The following ADGRL2 variants were observed in gnomAD, a reference collection of about 807,000 sequenced individuals.
The protein encoded by ADGRL2 is adhesion G protein-coupled receptor L2.
A neutral mutation model predicts 157.4 loss-of-function variants in ADGRL2; 44 were observed. That is an observed-to-expected ratio of 0.28 (90% CI 0.22 to 0.36). ADGRL2 has a LOEUF of 0.36. ADGRL2 is among the 10% of genes least tolerant of loss of function. The pLI is 1.00. For missense variants in ADGRL2, 1,510 were observed against 1,768.9 expected, an observed-to-expected ratio of 0.85 and a Z score of 2.63; for synonymous variants, 585 against 624.7, an observed-to-expected ratio of 0.94 and a Z score of 0.95.
chr1:81,753,622 A>T (rs2085564022), intron 1 of ADGRL2, among the ~76,000 whole-genome samples: 1 of 152,226 alleles, frequency 6.6e-6, no homozygotes, highest in African/African-American at 2.4e-5. Flanking sequence ...TTAAAGCAAA[A>T]TACAAAAGTA....
Position 81,495,945 on chromosome 1 carries a change from A to G in ADGRL2, c.-248+50856A>G, listed in dbSNP as rs181286824. Among the ~76,000 whole-genome samples, 11 of 152,318 alleles carry G rather than the reference A, an allele frequency of 7.2e-5. No individual in the cohort carries two copies. The East Asian group carries it at 2.1e-3, about 29-fold the overall frequency. On this transcript the variant is annotated intron_variant, in intron 2 of 24. Coordinates refer to the ADGRL2 transcript ENST00000370721. ...TTGTCAAGTTGAATATTTAACCCTC[A>G]AACACAAGACAGAAGAATTCCCTTT... is the stretch of plus-strand genomic sequence containing the variant.
At chr1:81,646,812 G>T (rs560807205) in intron 3 of ADGRL2, among the ~76,000 whole-genome samples, 1 of 152,226 alleles carries the variant, frequency 6.6e-6, no homozygotes, top group South Asian at 2.1e-4. Flanking sequence ...GCCCTGCCAT[G>T]CCAGCCTCTC....
chr1:81,306,636 C>T (rs182252825), intron 1 of ADGRL2: 8 of 152,208 alleles, frequency 5.3e-5, no homozygotes, highest in African/African-American at 1.7e-4. Flanking sequence ...AGGTGCCTCA[C>T]GCTTTTGTTA....
chr1:81,729,300 CA>C (rs1215063714), intron 1 of ADGRL2, among the ~76,000 whole-genome samples: 2 of 152,022 alleles, frequency 1.3e-5, no homozygotes, highest in African/African-American at 2.4e-5. Flanking sequence ...TTTGATTCCA[CA>C]AAAACAATTT....
At chr1:81,321,373 C>A (rs1388721163) in intron 1 of ADGRL2, among the ~76,000 whole-genome samples, 1 of 152,102 alleles carries the variant, frequency 6.6e-6, no homozygotes, top group Non-Finnish European at 1.5e-5. Context: ...CTTTGCATTC[C>A]CAAGTTGGCT....
chr1:81,673,510 ATTTTTTT>A, intron 3 of ADGRL2, among the ~76,000 whole-genome samples: 1 of 100,154 alleles, frequency 1.0e-5, no homozygotes, highest in Non-Finnish European at 1.9e-5. Flanking sequence ...TGTGCCTTCT[ATTTTTTT>A]TTTTTTTTTT....
intron 2 of ADGRL2, among the ~76,000 whole-genome samples, chr1:81,864,087 G>A (rs2093464691): frequency 6.6e-6 from 1 of 152,036 alleles, no homozygotes; most frequent in Non-Finnish European, 1.5e-5. Flanking sequence ...AGCATTTCAG[G>A]TATTTTAATT....
chr1:81,445,926 A>G lies in ADGRL2; in HGVS notation c.-248+837A>G, dbSNP rs1178076326. Among the ~76,000 whole-genome samples, 3 of 152,212 alleles carry G rather than the reference A, an allele frequency of 2.0e-5. No homozygotes were observed. In the East Asian group the frequency reaches 5.8e-4, roughly 29 times the overall value. On this transcript the variant is annotated intron_variant, in intron 2 of 24. Coordinates refer to the ADGRL2 transcript ENST00000370721. ...AGTAAGCACTAAATTTACTGATTTC[A>G]CAAAGCTCTATTTTTTGATGTCCTC...
chr1:81,466,674 C>CGT (rs1393078134), intron 2 of ADGRL2, among the ~76,000 whole-genome samples: 2 of 43,282 alleles, frequency 4.6e-5, no homozygotes, highest in East Asian at 1.2e-3. Context: ...CTCTCTCACG[C>CGT]GCGCGCACAC....
intron 1 of ADGRL2, among the ~76,000 whole-genome samples, chr1:81,410,045 G>A (rs1165569803): frequency 6.6e-6 from 1 of 152,172 alleles, no homozygotes; most frequent in South Asian, 2.1e-4. Context: ...ATATCAGCAC[G>A]TTCCAAAGCT....
At chr1:81,805,724 A>T in intron 1 of ADGRL2, among the ~76,000 whole-genome samples, 1 of 137,766 alleles carries the variant, frequency 7.3e-6, no homozygotes, top group Non-Finnish European at 1.6e-5. Flanking sequence ...GAAGTACTTT[A>T]GTGGTTAAAA....
chr1:81,973,443 T>A (rs1572453719), intron 17 of ADGRL2, among the ~76,000 whole-genome samples: 1 of 152,190 alleles, frequency 6.6e-6, no homozygotes, highest in East Asian at 1.9e-4. Flanking sequence ...GTTGCAAAAA[T>A]GTAAAGACTG....
chr1:81,478,308 C>T (rs2078315192), intron 2 of ADGRL2, among the ~76,000 whole-genome samples: 1 of 152,128 alleles, frequency 6.6e-6, no homozygotes, highest in Non-Finnish European at 1.5e-5. Context: ...ATGCCCAGGG[C>T]TCTAGATGAT....
chr1:81,607,552 CA>C (rs1360646778), intron 3 of ADGRL2, among the ~76,000 whole-genome samples: 2 of 148,196 alleles, frequency 1.3e-5, no homozygotes, highest in Non-Finnish European at 3.0e-5. Context: ...AAGATGACAC[CA>C]AAAAGTTCCA....
intron 2 of ADGRL2, among the ~76,000 whole-genome samples, chr1:81,899,938 C>A (rs1335289950): frequency 6.6e-6 from 1 of 152,062 alleles, no homozygotes; most frequent in Non-Finnish European, 1.5e-5. Flanking sequence ...CAACTCTGTC[C>A]CCAAACCTGC....
At chr1:81,450,833 G>C (rs1175771926) in intron 2 of ADGRL2, among the ~76,000 whole-genome samples, 1 of 152,114 alleles carries the variant, frequency 6.6e-6, no homozygotes, top group Non-Finnish European at 1.5e-5. Context: ...GAAAGCTATA[G>C]TGTTAATAAA....
At chr1:81,390,499 T>G (rs2076522338) in intron 1 of ADGRL2, among the ~76,000 whole-genome samples, 1 of 152,292 alleles carries the variant, frequency 6.6e-6, no homozygotes, top group Admixed American at 6.5e-5. Context: ...ATTTTTAAGA[T>G]ACAAATGATT....
intron 3 of ADGRL2, among the ~76,000 whole-genome samples, chr1:81,590,041 C>A (rs2081101783): frequency 6.6e-6 from 1 of 152,106 alleles, no homozygotes; most frequent in Non-Finnish European, 1.5e-5. Flanking sequence ...ATCTACCAAT[C>A]CTAAAAAGAT....
chr1:81,433,187 G>T (rs1484106981), intron 1 of ADGRL2, among the ~76,000 whole-genome samples: 1 of 152,150 alleles, frequency 6.6e-6, no homozygotes, highest in African/African-American at 2.4e-5. Context: ...TAATTTAAGA[G>T]AATTACTTTG....
Sources: allele counts gnomAD v4.1 joint callset (sites outside exome capture counted in the v4.1 genomes callset), GRCh38; gene constraint gnomAD v4.1.1; transcripts MANE v1.5; gene names NCBI Gene and HGNC (gene_info 2026-07-23, HGNC 2026-07-21).